Variants in STEAP1B observed in about 807,000 individuals in gnomAD.
The protein encoded by STEAP1B is STEAP family protein MGC87042.
STEAP1B carries 13 observed loss-of-function variants against 27.9 expected under a neutral mutation model. The observed-to-expected ratio is 0.47, with a 90% CI of 0.30 to 0.74. The LOEUF is 0.74. Ranked by LOEUF, STEAP1B falls within the 30% of genes least tolerant of loss-of-function variation. The probability of loss-of-function intolerance (pLI) is 0.06; values close to 1 mark genes in which losing one functional copy is unlikely to be tolerated. For missense variants in STEAP1B, 250 were observed against 298.7 expected (o/e 0.84, Z 1.20); for synonymous variants, 86 against 107.1 (o/e 0.80, Z 1.22).
At chr7:22,457,290 T>C (rs1785603816) in intron 4 of STEAP1B, among the ~76,000 whole-genome samples, 1 of 151,796 alleles carries the variant, frequency 6.6e-6, no homozygotes, top group Admixed American at 6.6e-5. Context: ...AAAAAATAAA[T>C]TAGGAATTAG....
At chr7:22,445,662 G>C (rs1785398744) in intron 4 of STEAP1B, among the ~76,000 whole-genome samples, 1 of 152,254 alleles carries the variant, frequency 6.6e-6, no homozygotes, top group Non-Finnish European at 1.5e-5. Context: ...CTTGGGGGAA[G>C]TCCCCGTGGT....
chr7:22,422,063 T>C (rs1255165821), intron 4 of STEAP1B, among the ~76,000 whole-genome samples: 3 of 152,280 alleles, frequency 2.0e-5, no homozygotes, highest in Admixed American at 2.0e-4. Context: ...TTAATGATGT[T>C]ACCATTGAAG....
chr7:22,479,226 T>TG (rs773788823), intron 4 of STEAP1B, among the ~76,000 whole-genome samples: 6 of 150,272 alleles, frequency 4.0e-5, no homozygotes, highest in East Asian at 3.9e-4. Context: ...TAAACCAGGG[T>TG]GGGGAATGGG....
intron 4 of STEAP1B, among the ~76,000 whole-genome samples, chr7:22,477,816 T>C (rs1467215978): frequency 1.3e-5 from 2 of 152,202 alleles, no homozygotes; most frequent in African/African-American, 4.8e-5. Flanking sequence ...TATCTCCTTT[T>C]AATCTTCCTT....
At chr7:22,454,964 G>C (rs1192005431) in intron 4 of STEAP1B, among the ~76,000 whole-genome samples, 1 of 151,306 alleles carries the variant, frequency 6.6e-6, no homozygotes, top group Non-Finnish European at 1.5e-5. Context: ...CCGGGTTCAA[G>C]TGATTCTTCT....
intron 4 of STEAP1B, among the ~76,000 whole-genome samples, chr7:22,476,918 G>A (rs1465305516): frequency 6.6e-6 from 1 of 152,180 alleles, no homozygotes; most frequent in Non-Finnish European, 1.5e-5. Flanking sequence ...CAGTGCCTGA[G>A]GGTGCTGACC....
At chr7:22,473,395 G>T (rs1052497533) in intron 4 of STEAP1B, among the ~76,000 whole-genome samples, 2 of 152,136 alleles carry the variant, frequency 1.3e-5, no homozygotes, top group African/African-American at 4.8e-5. Context: ...GCCAAATAAG[G>T]GAGAAAGACA....
chr7:22,493,293 A>G, intron 3 of STEAP1B, 31 bp downstream of exon 3: 5 of 1,568,124 alleles, frequency 3.2e-6, no homozygotes, highest in Non-Finnish European at 4.3e-6. Flanking sequence ...TAGACTTTTT[A>G]TTAGTAACAG....
intron 4 of STEAP1B, among the ~76,000 whole-genome samples, chr7:22,463,413 T>A (rs1785714215): frequency 6.6e-6 from 1 of 152,130 alleles, no homozygotes; most frequent in Admixed American, 6.5e-5. Flanking sequence ...GCCATCCCCA[T>A]CAAGCTACCA....
At chr7:22,436,372 G>A (rs1026020880) in intron 4 of STEAP1B, among the ~76,000 whole-genome samples, 47 of 152,018 alleles carry the variant, frequency 3.1e-4, no homozygotes, top group African/African-American at 1.1e-3. Flanking sequence ...TCATTTATTT[G>A]TGTGTGTGTG....
intron 4 of STEAP1B, among the ~76,000 whole-genome samples, chr7:22,455,870 G>A (rs1000529234): frequency 5.9e-5 from 9 of 152,196 alleles, no homozygotes; most frequent in Non-Finnish European, 8.8e-5. Context: ...CTTCCTGGCC[G>A]GGCACAGTGG....
intron 4 of STEAP1B, among the ~76,000 whole-genome samples, chr7:22,431,718 G>A (rs1250817698): frequency 6.6e-6 from 1 of 152,242 alleles, no homozygotes; most frequent in Non-Finnish European, 1.5e-5. Flanking sequence ...GAAGATCAGA[G>A]GGTGGAGAGA....
At chr7:22,489,898 G>A (rs572084980) in intron 4 of STEAP1B, among the ~76,000 whole-genome samples, 3 of 152,172 alleles carry the variant, frequency 2.0e-5, no homozygotes, top group South Asian at 2.1e-4. Context: ...CGTATATCTG[G>A]GTTATTTTAT....
At chr7:22,461,015 G>A (rs1475005829) in intron 4 of STEAP1B, among the ~76,000 whole-genome samples, 1 of 152,138 alleles carries the variant, frequency 6.6e-6, no homozygotes, top group Non-Finnish European at 1.5e-5. Context: ...AATGACACAG[G>A]AGGCCCAACA....
chr7:22,467,664 C>G (rs1311091616), intron 4 of STEAP1B, among the ~76,000 whole-genome samples: 1 of 152,182 alleles, frequency 6.6e-6, no homozygotes, highest in Admixed American at 6.5e-5. Flanking sequence ...TTGCTTGGAT[C>G]TCACTCTTCT....
chr7:22,490,302 A>C (rs931848767), intron 4 of STEAP1B, among the ~76,000 whole-genome samples: 52 of 152,090 alleles, frequency 3.4e-4, no homozygotes, highest in African/African-American at 1.2e-3. Context: ...GCTTTTCTCT[A>C]GTGTATTTCC....
chr7:22,420,759 C>T (rs773170106), intron 4 of STEAP1B, among the ~76,000 whole-genome samples: 11 of 152,240 alleles, frequency 7.2e-5, no homozygotes, highest in Non-Finnish European at 1.2e-4. Context: ...TGGGCACATA[C>T]TTACATGGCA....
At chr7:22,496,696 T>A (rs914137516) in intron 1 of STEAP1B, among the ~76,000 whole-genome samples, 4 of 152,210 alleles carry the variant, frequency 2.6e-5, no homozygotes, top group African/African-American at 9.7e-5. Context: ...GACTATACCA[T>A]CTAGCCTAAG....
At chr7:22,420,791 T>A (rs975503041) in intron 4 of STEAP1B, among the ~76,000 whole-genome samples, 1 of 152,218 alleles carries the variant, frequency 6.6e-6, no homozygotes, top group South Asian at 2.1e-4. Flanking sequence ...CCTGGCATAT[T>A]CTAATCACTT....
Sources: allele counts gnomAD v4.1 joint callset (sites outside exome capture counted in the v4.1 genomes callset), GRCh38; gene constraint gnomAD v4.1.1; transcripts MANE v1.5; gene names NCBI Gene and HGNC (gene_info 2026-07-23, HGNC 2026-07-21).